The following SCD5 variants were observed in gnomAD, a reference collection of about 807,000 sequenced individuals.
The protein encoded by SCD5 is stearoyl-CoA desaturase 5.
Under a neutral mutation model 30.4 loss-of-function variants are expected in SCD5, and 20 were observed. The ratio of observed to expected loss-of-function variants is 0.66; its 90% CI spans 0.46 to 0.96. The LOEUF (loss-of-function observed/expected upper bound fraction) is 0.96, where lower values mean the gene tolerates loss of function less well. Among genes scored for constraint, SCD5 ranks in the 40% least tolerant of loss-of-function variants. SCD5 has a pLI of 0.00. For missense variants in SCD5, 381 were observed against 443.3 expected (o/e 0.86, Z 1.26); for synonymous variants, 173 against 176.4 (o/e 0.98, Z 0.16).
intron 1 of SCD5, among the ~76,000 whole-genome samples, chr4:82,791,413 T>A (rs1348505371): frequency 1.4e-5 from 2 of 146,072 alleles, no homozygotes; most frequent in Non-Finnish European, 3.0e-5. Context: ...GAAATAAAAT[T>A]GGAAAAAAAA....
chr4:82,712,273 T>TACATAC (rs1200272547), intron 1 of SCD5, among the ~76,000 whole-genome samples: 2 of 50,072 alleles, frequency 4.0e-5, no homozygotes, highest in African/African-American at 2.6e-4. Flanking sequence ...TATATATATA[T>TACATAC]ATATATATAT....
chr4:82,751,762 G>A (rs978204823), intron 1 of SCD5, among the ~76,000 whole-genome samples: 8 of 152,132 alleles, frequency 5.3e-5, no homozygotes, highest in African/African-American at 1.9e-4. Context: ...GAGTAGCTGG[G>A]ATTACAGGCA....
chr4:82,704,908 C>T (rs1160799841), intron 2 of SCD5, among the ~76,000 whole-genome samples: 1 of 152,224 alleles, frequency 6.6e-6, no homozygotes, highest in African/African-American at 2.4e-5. Context: ...ACACATGTAA[C>T]ATCTAGCTCA....
chr4:82,743,187 T>TA (rs1271946377), intron 1 of SCD5, among the ~76,000 whole-genome samples: 4 of 152,192 alleles, frequency 2.6e-5, no homozygotes, highest in Middle Eastern at 3.4e-3. Flanking sequence ...GCTTGTAACT[T>TA]AGAGTGACAG....
intron 1 of SCD5, among the ~76,000 whole-genome samples, chr4:82,780,935 T>A (rs544362167): frequency 1.0e-3 from 154 of 152,260 alleles, no homozygotes; most frequent in African/African-American, 3.5e-3. Context: ...TATTTCCTCT[T>A]CCCTATGAAG....
chr4:82,723,504 T>A (rs1720412476), intron 1 of SCD5, among the ~76,000 whole-genome samples: 1 of 152,242 alleles, frequency 6.6e-6, no homozygotes. Context: ...GTAAATAAAA[T>A]TACCTTGTTC....
At position 82,631,451 on chromosome 4, in the gene SCD5, T is replaced by C; in HGVS notation, c.869A>G (p.Asn290Ser). ...AATGAACCAGGTGGTTGGGTTAAAA[T>C]TTAAGCCAAATTCACTCGCAGAGTA... ...FDYSASEFGL[N>S]FNPTTWFIDF... Residue 290 changes from asparagine (N) to serine (S), a missense_variant, in exon 5 of 5, where the codon AAT (asparagine) becomes AGT (serine). Transcript: ENST00000319540. The C allele has an allele frequency of 6.2e-7, 1 of 1,614,154 alleles. No homozygotes were observed. The highest frequency in any genetic ancestry group is 8.5e-7 in the Non-Finnish European group (1 of 1,180,010).
At chr4:82,671,862 C>T (rs570983236) in intron 3 of SCD5, among the ~76,000 whole-genome samples, 1 of 152,238 alleles carries the variant, frequency 6.6e-6, no homozygotes, top group East Asian at 1.9e-4. Context: ...GCCTGGGTAA[C>T]AGAGCGAGAC....
chr4:82,665,277 T>C (rs1342511533), intron 3 of SCD5, among the ~76,000 whole-genome samples: 1 of 137,916 alleles, frequency 7.3e-6, no homozygotes, highest in Non-Finnish European at 1.6e-5. Context: ...GAGAAACAGG[T>C]TAAAAAAATT....
At chr4:82,785,147 G>A (rs1306642696) in intron 1 of SCD5, among the ~76,000 whole-genome samples, 4 of 152,182 alleles carry the variant, frequency 2.6e-5, no homozygotes, top group African/African-American at 9.7e-5. Context: ...TCCAGATGAT[G>A]CTGTAGGAAA....
intron 2 of SCD5, among the ~76,000 whole-genome samples, chr4:82,702,686 G>A (rs28756315): frequency 0.027 from 4,109 of 152,132 alleles, 218 homozygotes; most frequent in African/African-American, 0.094. Context: ...TGACCATTCC[G>A]GTGAAGGAGA....
intron 3 of SCD5, among the ~76,000 whole-genome samples, chr4:82,655,743 A>G (rs1211873419): frequency 1.3e-5 from 2 of 152,238 alleles, no homozygotes; most frequent in Admixed American, 1.3e-4. Flanking sequence ...TAACTTTCAC[A>G]TGTATTAACT....
chr4:82,654,846 A>G (rs1413479954), intron 3 of SCD5, among the ~76,000 whole-genome samples: 1 of 152,234 alleles, frequency 6.6e-6, no homozygotes, highest in East Asian at 1.9e-4. Context: ...TCCTGTTGAT[A>G]ATAATGACAA....
chr4:82,765,962 T>C (rs1346607432), intron 1 of SCD5, among the ~76,000 whole-genome samples: 1 of 152,218 alleles, frequency 6.6e-6, no homozygotes, highest in Non-Finnish European at 1.5e-5. Context: ...AATCCATGGA[T>C]GCAGAACCCA....
intron 1 of SCD5, among the ~76,000 whole-genome samples, chr4:82,719,514 T>G (rs1309422901): frequency 6.6e-6 from 1 of 151,296 alleles, no homozygotes; most frequent in East Asian, 1.9e-4. Context: ...TTTTCTTTTT[T>G]TTTTTTTGAG....
chr4:82,676,189 G>T (rs1484413266), intron 3 of SCD5, among the ~76,000 whole-genome samples: 1 of 152,172 alleles, frequency 6.6e-6, no homozygotes, highest in Non-Finnish European at 1.5e-5. Flanking sequence ...CCCTGCTGAG[G>T]ATGGTAGAGC....
chr4:82,662,508 G>A (rs1159641547), intron 3 of SCD5, among the ~76,000 whole-genome samples: 1 of 151,958 alleles, frequency 6.6e-6, no homozygotes. Context: ...TATCATAGCT[G>A]TGGTCAAAGA....
chr4:82,670,045 A>G (rs1728274781), intron 3 of SCD5, among the ~76,000 whole-genome samples: 1 of 152,160 alleles, frequency 6.6e-6, no homozygotes, highest in African/African-American at 2.4e-5. Context: ...CCACCACACT[A>G]CTGAAGACCT....
intron 4 of SCD5, among the ~76,000 whole-genome samples, chr4:82,634,039 A>G (rs1172630576): frequency 6.6e-6 from 1 of 152,184 alleles, no homozygotes; most frequent in African/African-American, 2.4e-5. Flanking sequence ...CTTCCACATA[A>G]AAAATGTTTT....
Sources: allele counts gnomAD v4.1 joint callset (sites outside exome capture counted in the v4.1 genomes callset), GRCh38; gene constraint gnomAD v4.1.1; transcripts MANE v1.5; gene names NCBI Gene and HGNC (gene_info 2026-07-23, HGNC 2026-07-21).